CFAP61: variants seen among roughly 807,000 people sequenced by gnomAD.
The protein encoded by CFAP61 is cilia and flagella associated protein 61, also known as cilia- and flagella-associated protein 61.
Under a neutral mutation model 135.6 loss-of-function variants are expected in CFAP61, and 107 were observed. The observed-to-expected ratio is 0.79, with a 90% confidence interval of 0.67 to 0.93. The LOEUF is 0.93. Ranked by LOEUF, CFAP61 falls within the 40% of genes least tolerant of loss-of-function variation. The pLI, the probability that CFAP61 is intolerant of heterozygous loss-of-function variation, is 0.00. For missense variants in CFAP61, 1,507 were observed against 1,556.2 expected (o/e 0.97, Z 0.53); for synonymous variants, 575 against 578.5 (o/e 0.99, Z 0.09).
chr20:20,298,462 G>A (rs1025795286), intron 25 of CFAP61, 76 bp downstream of exon 25: 1 of 1,304,348 alleles, frequency 7.7e-7, no homozygotes, highest in African/African-American at 1.5e-5. Flanking sequence ...GACATGTGTT[G>A]TGATGCACCC....
intron 2 of CFAP61, among the ~76,000 whole-genome samples, chr20:20,059,124 A>C (rs1331270255): frequency 6.6e-6 from 1 of 151,972 alleles, no homozygotes; most frequent in Non-Finnish European, 1.5e-5. Flanking sequence ...AGGTCAAGAG[A>C]TTAAGACCAT....
intron 6 of CFAP61, among the ~76,000 whole-genome samples, chr20:20,085,998 C>T (rs994172498): frequency 2.0e-5 from 3 of 152,264 alleles, no homozygotes; most frequent in Non-Finnish European, 4.4e-5. Context: ...TCTGAGGGCT[C>T]ACGTGGAGAA....
At chr20:20,171,545 G>A (rs1173829288) in intron 13 of CFAP61, among the ~76,000 whole-genome samples, 1 of 152,176 alleles carries the variant, frequency 6.6e-6, no homozygotes, top group African/African-American at 2.4e-5. Flanking sequence ...TGACTTCATA[G>A]CCAGTAGAAA....
intron 8 of CFAP61, among the ~76,000 whole-genome samples, chr20:20,122,912 C>G (rs542422090): frequency 2.6e-5 from 4 of 151,864 alleles, no homozygotes; most frequent in African/African-American, 9.7e-5. Flanking sequence ...ATCACCACAT[C>G]CACGCCAACA....
chr20:20,319,263 G>A (rs1008767529), intron 25 of CFAP61, among the ~76,000 whole-genome samples: 15 of 152,332 alleles, frequency 9.8e-5, no homozygotes, highest in African/African-American at 3.4e-4. Context: ...AATCAAACTG[G>A]TGTCAGATTT....
chr20:20,062,593 GAAAA>G lies in CFAP61; in HGVS notation c.143+5804_143+5807del, dbSNP rs113132081. On this transcript the variant is annotated intron_variant, in intron 2 of 26. Coordinates refer to ENST00000245957, the MANE Select transcript of CFAP61 (RefSeq NM_015585.4). ...AAGTTTGTTCTTTAAAAAGCCTAAA[GAAAA>G]AAAAAATCTGACAAGATTAATCAGG... 1.8e-3 allele frequency among the ~76,000 whole-genome samples: 261 copies of G among 143,878 alleles called. 1 individual carries two copies. The highest frequency in any genetic ancestry group is 6.2e-3 in the African/African-American group (242 of 39,292). The allele number at this position is 143,878 out of a possible 152,430, so 94.4% of individuals were successfully genotyped here. A position where few individuals can be genotyped will look rare whatever the true frequency, so the allele number is the denominator to read the frequency against.
chr20:20,232,313 T>G (rs1041246305), intron 18 of CFAP61, among the ~76,000 whole-genome samples: 1 of 152,110 alleles, frequency 6.6e-6, no homozygotes, highest in Non-Finnish European at 1.5e-5. Flanking sequence ...GTGCTTTGAC[T>G]CTTTCAGGTT....
At chr20:20,357,172 C>CTGAGGGGAGGTGGTCACAGTG (rs1569334680) in intron 26 of CFAP61, among the ~76,000 whole-genome samples, 3 of 81,264 alleles carry the variant, frequency 3.7e-5, no homozygotes, top group African/African-American at 4.1e-5. Flanking sequence ...GGTGGTCACA[C>CTGAGGGGAGGTGGTCACAGTG]TGAGGGGAGG....
chr20:20,308,747 C>G (rs972183693), intron 25 of CFAP61, among the ~76,000 whole-genome samples: 49 of 152,294 alleles, frequency 3.2e-4, no homozygotes, highest in African/African-American at 1.1e-3. Flanking sequence ...ACTTCCATCC[C>G]TCTGCACATC....
In CFAP61 at chr20:20,235,877, C is replaced by T. The variant is rs758481297; in HGVS notation, c.2060+7501C>T. ...CCTCGTTGCTGGGGAGTGGGAAGAC[C>T]GTGAGCCTCTGTGTGAGACCCAGAG... is the stretch of plus-strand genomic sequence containing the variant. On this transcript the variant is annotated intron_variant, in intron 18 of 26. Transcript: ENST00000245957. Among the ~76,000 whole-genome samples the T allele has an allele frequency of 3.3e-4, 50 of 152,018 alleles. 1 individual carries two copies. Among genetic ancestry groups the T allele is most frequent in the Admixed American group, 2.0e-4 (3 of 15,266 alleles).
intron 6 of CFAP61, among the ~76,000 whole-genome samples, chr20:20,079,386 G>T (rs911820383): frequency 1.4e-4 from 22 of 152,290 alleles, no homozygotes; most frequent in African/African-American, 5.3e-4. Flanking sequence ...GCAGTGAGCG[G>T]AATAAATGGG....
At chr20:20,110,410 A>G (rs942912941) in intron 8 of CFAP61, among the ~76,000 whole-genome samples, 2 of 152,186 alleles carry the variant, frequency 1.3e-5, no homozygotes, top group African/African-American at 4.8e-5. Flanking sequence ...TGGAGAGAAG[A>G]CTAGGGCTAC....
At chr20:20,196,535 G>A in intron 15 of CFAP61, 35 bp from the exon 16 acceptor site, 2 of 1,473,858 alleles carry the variant, frequency 1.4e-6, no homozygotes, top group Non-Finnish European at 1.9e-6. Flanking sequence ...TGTTTAAAAT[G>A]CTTGTAGAAA....
At chr20:20,254,776 A>T (rs1569199109) in intron 20 of CFAP61, among the ~76,000 whole-genome samples, 1 of 152,230 alleles carries the variant, frequency 6.6e-6, no homozygotes, top group Non-Finnish European at 1.5e-5. Flanking sequence ...ATAAAATGTA[A>T]TGACAAACCG....
chr20:20,202,892 C>T (rs1175309104), intron 17 of CFAP61, among the ~76,000 whole-genome samples: 1 of 152,044 alleles, frequency 6.6e-6, no homozygotes, highest in South Asian at 2.1e-4. Flanking sequence ...CTTAGAGTGA[C>T]CATCCAGTCC....
chr20:20,178,835 C>T (rs549453521), intron 13 of CFAP61, among the ~76,000 whole-genome samples: 3 of 152,154 alleles, frequency 2.0e-5, no homozygotes, highest in Non-Finnish European at 2.9e-5. Context: ...GAACAGAACC[C>T]GATAGAAACT....
intron 25 of CFAP61, among the ~76,000 whole-genome samples, chr20:20,337,010 G>T (rs989770679): frequency 2.6e-5 from 4 of 152,246 alleles, no homozygotes; most frequent in Non-Finnish European, 5.9e-5. Flanking sequence ...TCATGGCAAA[G>T]AATTGAACCC....
At chr20:20,067,190 T>G (rs2045336399) in intron 2 of CFAP61, among the ~76,000 whole-genome samples, 1 of 152,100 alleles carries the variant, frequency 6.6e-6, no homozygotes, top group South Asian at 2.1e-4. Flanking sequence ...AGCTCTGATT[T>G]GGTGTGACAT....
Position 20,194,371 on chromosome 20 carries a change from G to A in CFAP61, c.1591-2199G>A, listed in dbSNP as rs550345689. Among the ~76,000 whole-genome samples the A allele has an allele frequency of 5.9e-5, 9 of 152,166 alleles. No homozygotes were observed. In the East Asian group the frequency reaches 9.6e-4, roughly 16 times the overall value. On this transcript the variant is annotated intron_variant, in intron 15 of 26. Coordinates refer to ENST00000245957, the MANE Select transcript of CFAP61 (RefSeq NM_015585.4). ...TTCAGAGTTCACCTATTTAACTTCC[G>A]AGTCTCTTTCTTGTTCTCTTATTGT... is the stretch of plus-strand genomic sequence containing the variant.
Sources: gnomAD v4.1 joint callset for allele counts (sites outside exome capture counted in the v4.1 genomes callset) on GRCh38, gnomAD v4.1.1 for gene constraint, MANE v1.5 for transcripts, NCBI Gene and HGNC (gene_info 2026-07-23, HGNC 2026-07-21) for gene names.